OTUD7A: variants seen among roughly 807,000 people sequenced by gnomAD.
The protein encoded by OTUD7A is OTU domain-containing protein 7A.
In OTUD7A, 12 loss-of-function variants were observed where a neutral mutation model predicts 65.7. That is an observed-to-expected ratio of 0.18 (90% CI 0.12 to 0.30). OTUD7A has a LOEUF of 0.30. OTUD7A is among the 10% of genes least tolerant of loss of function. The pLI, the probability that OTUD7A is intolerant of heterozygous loss-of-function variation, is 1.00. For missense variants in OTUD7A, 1,148 were observed against 1,304.8 expected (o/e 0.88, Z 1.85); for synonymous variants, 641 against 586.3 (o/e 1.09, Z -1.35).
At chr15:31,868,254 A>G (rs1897931481) in intron 1 of OTUD7A, among the ~76,000 whole-genome samples, 1 of 152,222 alleles carries the variant, frequency 6.6e-6, no homozygotes, top group Non-Finnish European at 1.5e-5. Flanking sequence ...TTGTTTTAAA[A>G]TGTTTTGGGG....
chr15:31,735,096 A>G (rs1894150811), intron 1 of OTUD7A, among the ~76,000 whole-genome samples: 1 of 152,216 alleles, frequency 6.6e-6, no homozygotes, highest in East Asian at 1.9e-4. Flanking sequence ...ATGAACAGAC[A>G]CTTCTCAAAA....
chr15:31,603,958 G>A (rs1041979319), intron 3 of OTUD7A, among the ~76,000 whole-genome samples: 6 of 152,334 alleles, frequency 3.9e-5, no homozygotes, highest in African/African-American at 1.2e-4. Context: ...ATGCTGGAGA[G>A]GATGTGGAGA....
chr15:31,500,413 C>T (rs902200052), intron 10 of OTUD7A, among the ~76,000 whole-genome samples: 2 of 152,242 alleles, frequency 1.3e-5, no homozygotes, highest in Non-Finnish European at 2.9e-5. Context: ...TTGGGTTCTG[C>T]GGCTGCACCA....
intron 8 of OTUD7A, among the ~76,000 whole-genome samples, chr15:31,508,775 C>T (rs1231181073): frequency 2.6e-5 from 4 of 152,234 alleles, no homozygotes; most frequent in Non-Finnish European, 5.9e-5. Flanking sequence ...ATTTTTGTTG[C>T]GTATTCTGGG....
chr15:31,663,801 G>T (rs1415663287), intron 1 of OTUD7A, among the ~76,000 whole-genome samples: 1 of 152,040 alleles, frequency 6.6e-6, no homozygotes, highest in Admixed American at 6.6e-5. Context: ...AACCCTATTT[G>T]CAGTCTTTTA....
intron 1 of OTUD7A, among the ~76,000 whole-genome samples, chr15:31,777,547 C>T (rs1274856953): frequency 1.3e-5 from 2 of 152,156 alleles, no homozygotes; most frequent in Non-Finnish European, 2.9e-5. Flanking sequence ...TCCTTCTTCA[C>T]CCTATGAAGG....
At chr15:31,785,743 C>G (rs1335353760) in intron 1 of OTUD7A, among the ~76,000 whole-genome samples, 1 of 152,178 alleles carries the variant, frequency 6.6e-6, no homozygotes, top group Non-Finnish European at 1.5e-5. Flanking sequence ...CCTATTTAAG[C>G]CATAGATTAG....
At chr15:31,834,407 G>C (rs1056530031) in intron 1 of OTUD7A, among the ~76,000 whole-genome samples, 1 of 152,110 alleles carries the variant, frequency 6.6e-6, no homozygotes, top group African/African-American at 2.4e-5. Flanking sequence ...GTTTTGTTTT[G>C]TTTTGTCTTT....
chr15:31,702,213 C>G (rs968091122), intron 1 of OTUD7A, among the ~76,000 whole-genome samples: 1 of 113,544 alleles, frequency 8.8e-6, no homozygotes, highest in African/African-American at 3.9e-5. Context: ...AGATTGGGAA[C>G]AAGCAAGGAT....
chr15:31,679,575 C>T (rs1892666292), intron 1 of OTUD7A, among the ~76,000 whole-genome samples: 1 of 152,104 alleles, frequency 6.6e-6, no homozygotes, highest in African/African-American at 2.4e-5. Context: ...GATATGATGG[C>T]TCTCTAAGTG....
rs527945394 is a variant in OTUD7A, at chr15:31,842,708, G to A, written c.-100+27799C>T. 2.0e-5 allele frequency among the ~76,000 whole-genome samples: 3 copies of A among 152,258 alleles called. No homozygotes were observed. In the East Asian group the frequency reaches 5.8e-4, roughly 29 times the overall value. Reference sequence around the variant, plus strand: ...TCACCTGTGATCTCCTCAAAACTGTGACAAAACCCTGACCTACTTAGGGCT... The same window carrying A: ...TCACCTGTGATCTCCTCAAAACTGTAACAAAACCCTGACCTACTTAGGGCT... On this transcript the variant is annotated intron_variant, in intron 1 of 12. Transcript: ENST00000307050.
In OTUD7A at chr15:31,483,851, T is replaced by C. The variant is rs1424171257; in HGVS notation, c.2245A>G (p.Thr749Ala). The C allele has an allele frequency of 2.1e-5, 21 of 980,112 alleles. No homozygotes were observed. The South Asian group carries it at 6.4e-4, about 30-fold the overall frequency. The allele number at this position is 980,112 out of a possible 1,614,324, so 60.7% of individuals were successfully genotyped here. ...CGCGCGCCTCCCCCCGGGGAGGCCG[T>C]GCCGCCCGCCGCCGCCCGCGCCGCA... is the stretch of plus-strand genomic sequence containing the variant. Reference protein sequence around the residue: ...GRAARAAAGGTASPGGGARRA... With the variant: ...GRAARAAAGGAASPGGGARRA... The change falls in exon 13 of 13, where the codon ACG (threonine) becomes GCG (alanine). Residue 749 changes from threonine (T) to alanine (A), a missense_variant. Thr to Ala is a moderately conservative substitution (Grantham distance 58). Transcript: ENST00000307050.
Position 31,813,413 on chromosome 15 carries a change from T to C in OTUD7A, c.-100+57094A>G, listed in dbSNP as rs529439555. On this transcript the variant is annotated intron_variant, in intron 1 of 12. Transcript: ENST00000307050. ...ATGATTTACTGCATGACACACCATA[T>C]AGCTTTCTGACATGAAGAACTATTC... Among the ~76,000 whole-genome samples, 3 of 152,360 alleles carry C rather than the reference T, an allele frequency of 2.0e-5. No homozygotes were observed. In the East Asian group the frequency reaches 5.8e-4, roughly 29 times the overall value.
In OTUD7A at chr15:31,558,533, C is replaced by A. The variant is rs1014956689; in HGVS notation, c.550+436G>T. ...CGGGTCAGCAGTCTCCTCATCTTTGCAGATGGAGAAACTGAGGCTGAGAGA... is the reference window on the plus strand; with the variant it reads ...CGGGTCAGCAGTCTCCTCATCTTTGAAGATGGAGAAACTGAGGCTGAGAGA... On this transcript the variant is annotated intron_variant, in intron 5 of 12. Transcript: ENST00000307050. The A allele has an allele frequency of 1.6e-5, 3 of 190,038 alleles. No individual in the cohort carries two copies. The Admixed American group carries it at 1.6e-4, about 10-fold the overall frequency. 11.8% of individuals were successfully genotyped at this position (190,038 alleles called of 1,614,324 possible). A position where few individuals can be genotyped will look rare whatever the true frequency, so the allele number is the denominator to read the frequency against.
intron 1 of OTUD7A, among the ~76,000 whole-genome samples, chr15:31,802,091 GTGTGTGTATATA>G (rs1002809004): frequency 2.8e-5 from 2 of 71,548 alleles, no homozygotes; most frequent in African/African-American, 9.5e-5. Context: ...GAATATATAT[GTGTGTGTATATA>G]TGTGTGTGTG....
intron 1 of OTUD7A, among the ~76,000 whole-genome samples, chr15:31,847,322 G>A (rs1456364568): frequency 6.6e-6 from 1 of 152,224 alleles, no homozygotes; most frequent in Non-Finnish European, 1.5e-5. Context: ...TTGGTTGTGA[G>A]TACATGATAG....
chr15:31,681,558 A>T (rs1373214990), intron 1 of OTUD7A, among the ~76,000 whole-genome samples: 2 of 151,750 alleles, frequency 1.3e-5, no homozygotes. Context: ...TTATCTGATT[A>T]TCCAAAACCT....
chr15:31,659,036 TG>T lies in OTUD7A; in HGVS notation c.-99-1960del, dbSNP rs1343033781. 4.2e-4 allele frequency among the ~76,000 whole-genome samples: 49 copies of T among 116,208 alleles called. No individual in the cohort carries two copies. The South Asian group carries it at 5.3e-3, about 12-fold the overall frequency. The allele number at this position is 116,208 out of a possible 152,430, so 76.2% of individuals were successfully genotyped here. A position where few individuals can be genotyped will look rare whatever the true frequency, so the allele number is the denominator to read the frequency against. ...ATGAATGAATGAATGAATGAATGAA[TG>T]AATGAATAAATAAATAAATAAATAA... On this transcript the variant is annotated intron_variant, in intron 1 of 12. Coordinates refer to ENST00000307050, the MANE Select transcript of OTUD7A (RefSeq NM_001382637.1).
intron 5 of OTUD7A, among the ~76,000 whole-genome samples, chr15:31,554,077 G>T (rs773602380): frequency 2.0e-5 from 3 of 152,046 alleles, no homozygotes; most frequent in Non-Finnish European, 4.4e-5. Context: ...AATATGCCAA[G>T]ACTTTGATGT....
Sources: allele counts gnomAD v4.1 joint callset (sites outside exome capture counted in the v4.1 genomes callset), GRCh38; gene constraint gnomAD v4.1.1; transcripts MANE v1.5; gene names NCBI Gene and HGNC (gene_info 2026-07-23, HGNC 2026-07-21).